The following SEMA3D variants were observed in gnomAD, a reference collection of about 807,000 sequenced individuals.
SEMA3D encodes semaphorin 3D.
A neutral mutation model predicts 100.1 loss-of-function variants in SEMA3D; 84 were observed. The ratio of observed to expected loss-of-function variants is 0.84; its 90% CI spans 0.70 to 1.01. The LOEUF (loss-of-function observed/expected upper bound fraction) is 1.01, where lower values mean the gene tolerates loss of function less well. SEMA3D is among the 50% of genes least tolerant of loss of function. SEMA3D has a pLI of 0.00. For synonymous variants in SEMA3D, 312 were observed against 320.7 expected (o/e 0.97, Z 0.29); for missense variants, 875 against 934.1 (o/e 0.94, Z 0.82).
At chr7:85,125,380 T>C (rs1318089706) in intron 2 of SEMA3D, among the ~76,000 whole-genome samples, 4 of 152,082 alleles carry the variant, frequency 2.6e-5, no homozygotes, top group Admixed American at 2.0e-4. Context: ...AGACATGCCC[T>C]GTGCCTCTAA....
the SEMA3D span, among the ~76,000 whole-genome samples, chr7:85,231,544 G>A: frequency 6.9e-5 from 10 of 144,484 alleles, no homozygotes; most frequent in South Asian, 1.3e-3. Context: ...TCCGCCTCCC[G>A]GGTTCACGCC....
intron 3 of SEMA3D, among the ~76,000 whole-genome samples, chr7:85,111,089 C>T (rs747467826): frequency 4.9e-4 from 74 of 152,042 alleles, no homozygotes; most frequent in Admixed American, 1.1e-3. Flanking sequence ...TCCTATATAC[C>T]TGGGCATTCC....
intron 2 of SEMA3D, among the ~76,000 whole-genome samples, chr7:85,130,340 G>A (rs1386830059): frequency 6.6e-6 from 1 of 152,092 alleles, no homozygotes; most frequent in Non-Finnish European, 1.5e-5. Context: ...AGCAGTAATA[G>A]TTATTTAGTG....
the SEMA3D span, among the ~76,000 whole-genome samples, chr7:85,245,610 TCTTA>T: frequency 3.2e-4 from 49 of 152,304 alleles, no homozygotes; most frequent in African/African-American, 1.2e-3. Flanking sequence ...TCAACATTTA[TCTTA>T]CTTAGGATGC....
At chr7:85,166,961 A>T (rs1790923296) in intron 1 of SEMA3D, among the ~76,000 whole-genome samples, 1 of 151,994 alleles carries the variant, frequency 6.6e-6, no homozygotes, top group South Asian at 2.1e-4. Flanking sequence ...CTATTATCTA[A>T]GTGATGGTGT....
intron 1 of SEMA3D, among the ~76,000 whole-genome samples, chr7:85,165,059 T>C (rs1325682856): frequency 6.7e-6 from 1 of 149,974 alleles, no homozygotes; most frequent in Non-Finnish European, 1.5e-5. Flanking sequence ...TGTGTTCTCA[T>C]TGTTCAATTC....
intron 2 of SEMA3D, chr7:85,143,271 A>C (rs1002745562): frequency 3.6e-5 from 18 of 495,190 alleles, no homozygotes; most frequent in Non-Finnish European, 4.2e-5. Context: ...CAGTGATTTC[A>C]AAGTGATTAA....
Position 85,115,636 on chromosome 7 carries a change from A to AAG in SEMA3D, c.151+6104_151+6105insCT, listed in dbSNP as rs1789218499. Among the ~76,000 whole-genome samples the AAG allele has an allele frequency of 2.0e-5, 3 of 152,074 alleles. No homozygotes were observed. In the East Asian group the frequency reaches 5.8e-4, roughly 29 times the overall value. ...TTCTTTTTAAGGCAGTATTATATATAGTCAAATGGACAGACCTTACATGTG... is the reference window on the plus strand; with the variant it reads ...TTCTTTTTAAGGCAGTATTATATATAAGGTCAAATGGACAGACCTTACATGTG... On this transcript the variant is annotated intron_variant, in intron 3 of 18. Coordinates refer to ENST00000284136, the MANE Select transcript of SEMA3D (RefSeq NM_001384900.1).
chr7:85,195,026 T>G, the SEMA3D span, among the ~76,000 whole-genome samples: 1 of 152,132 alleles, frequency 6.6e-6, no homozygotes, highest in African/African-American at 2.4e-5. Flanking sequence ...TATGAATTGG[T>G]GGAGGTCACA....
At chr7:85,169,726 A>T (rs921943062) in intron 1 of SEMA3D, among the ~76,000 whole-genome samples, 3 of 151,810 alleles carry the variant, frequency 2.0e-5, no homozygotes, top group African/African-American at 7.2e-5. Flanking sequence ...CTGATGCTAC[A>T]TACAACTCAG....
chr7:85,052,614 A>G (rs891218045), intron 9 of SEMA3D, among the ~76,000 whole-genome samples: 8 of 151,942 alleles, frequency 5.3e-5, no homozygotes, highest in Non-Finnish European at 8.8e-5. Context: ...TCCTTCATAC[A>G]ATGTTTTTGG....
At chr7:85,240,933 T>C in the SEMA3D span, among the ~76,000 whole-genome samples, 3 of 152,110 alleles carry the variant, frequency 2.0e-5, no homozygotes, top group Non-Finnish European at 2.9e-5. Context: ...AAAGGACTAA[T>C]ATCTAGAATC....
chr7:85,055,949 A>T (rs972069672), intron 8 of SEMA3D, 90 bp from the exon 9 acceptor site: 1 of 683,824 alleles, frequency 1.5e-6, no homozygotes, highest in Admixed American at 2.9e-5. Flanking sequence ...AGCAATTAGC[A>T]GTAGAATTTT....
chr7:85,157,049 G>A (rs1017677388), intron 1 of SEMA3D, among the ~76,000 whole-genome samples: 11 of 152,060 alleles, frequency 7.2e-5, no homozygotes, highest in South Asian at 2.1e-4. Context: ...AGAGTCTGAC[G>A]TGCTTCAGGA....
At chr7:85,016,287 G>A (rs538031153) in intron 15 of SEMA3D, among the ~76,000 whole-genome samples, 118 of 135,788 alleles carry the variant, frequency 8.7e-4, no homozygotes, top group Admixed American at 2.9e-3. Context: ...TTGGGTTTCC[G>A]TCTTTTTGCT....
intron 2 of SEMA3D, chr7:85,144,437 C>G (rs1201354963): frequency 6.1e-6 from 6 of 976,798 alleles, no homozygotes; most frequent in Non-Finnish European, 7.3e-6. Flanking sequence ...TACCCACACA[C>G]TTCATCCTCT....
At position 85,024,710 on chromosome 7, in the gene SEMA3D, T is replaced by C. The variant is rs73713921; in HGVS notation, c.1192-2097A>G. Among the ~76,000 whole-genome samples the C allele has an allele frequency of 5.0e-3, 758 of 152,154 alleles. 7 individuals are homozygous for C. The highest frequency in any genetic ancestry group is 0.017 in the African/African-American group (709 of 41,570). On this transcript the variant is annotated intron_variant, in intron 12 of 18. Transcript: ENST00000284136. ...AAGATCTTTATCCTCTCAATTGCTA[T>C]GCATGATATCTCAGGTCTGCGTCTC...
chr7:85,170,682 T>C (rs765614733), intron 1 of SEMA3D, among the ~76,000 whole-genome samples: 4 of 151,992 alleles, frequency 2.6e-5, no homozygotes, highest in South Asian at 2.1e-4. Context: ...ATATCACATA[T>C]GTGAAAGGGT....
chr7:85,040,600 A>C, intron 11 of SEMA3D, 73 bp downstream of exon 11: 2 of 784,494 alleles, frequency 2.5e-6, no homozygotes, highest in South Asian at 1.6e-5. Flanking sequence ...AGGGACAAAA[A>C]GATCCTATAA....
Sources: gnomAD v4.1 joint callset for allele counts (sites outside exome capture counted in the v4.1 genomes callset) on GRCh38, gnomAD v4.1.1 for gene constraint, MANE v1.5 for transcripts, NCBI Gene and HGNC (gene_info 2026-07-23, HGNC 2026-07-21) for gene names.